PCDHGA2: variants seen among roughly 807,000 people sequenced by gnomAD.
The protein encoded by PCDHGA2 is protocadherin gamma subfamily A, 2, also known as protocadherin gamma-A2.
In PCDHGA2, 40 loss-of-function variants were observed where a neutral mutation model predicts 59.2. That is an observed-to-expected ratio of 0.68 (90% confidence interval 0.52 to 0.88). The LOEUF is 0.88. Among genes scored for constraint, PCDHGA2 ranks in the 40% least tolerant of loss-of-function variants. The pLI is 0.00. For missense variants in PCDHGA2, 1,226 were observed against 1,204.0 expected (o/e 1.02, Z -0.27); for synonymous variants, 560 against 526.0 (o/e 1.06, Z -0.89).
intron 1 of PCDHGA2, chr5:141,343,304 C>A (rs1757276367): frequency 3.1e-6 from 3 of 972,130 alleles, no homozygotes; most frequent in Non-Finnish European, 3.7e-6. Flanking sequence ...ATAAATATGG[C>A]TGATTTCTGT....
At chr5:141,378,814 T>C (rs915920148) in intron 1 of PCDHGA2, 6 of 152,232 alleles carry the variant, frequency 3.9e-5, no homozygotes, top group Non-Finnish European at 8.8e-5. Flanking sequence ...AACAGAATCA[T>C]TGTTTCATGA....
chr5:141,372,977 T>C (rs1769216145), intron 1 of PCDHGA2: 2 of 661,598 alleles, frequency 3.0e-6, no homozygotes, highest in Admixed American at 3.3e-5. Context: ...CTGTAGAATA[T>C]CTGTGTTGCA....
At chr5:141,423,227 A>C (rs1305722929) in intron 1 of PCDHGA2, 5 of 1,613,634 alleles carry the variant, frequency 3.1e-6, no homozygotes, top group Non-Finnish European at 2.5e-6. Context: ...GCTGTGGCCG[A>C]CAGCATCCCC....
chr5:141,378,863 G>C (rs934816631), intron 1 of PCDHGA2: 1 of 152,136 alleles, frequency 6.6e-6, no homozygotes, highest in Non-Finnish European at 1.5e-5. Context: ...AATGATGTTC[G>C]AATAGAAAAT....
intron 1 of PCDHGA2, among the ~76,000 whole-genome samples, chr5:141,429,903 T>C (rs1276564046): frequency 2.0e-5 from 3 of 152,252 alleles, no homozygotes; most frequent in African/African-American, 7.2e-5. Flanking sequence ...TAAATATTTT[T>C]GAAATATAAT....
intron 1 of PCDHGA2, chr5:141,360,106 T>C: frequency 5.8e-6 from 9 of 1,552,260 alleles, no homozygotes; most frequent in Non-Finnish European, 7.8e-6. Flanking sequence ...TTATTCCTCC[T>C]ATGGGCAAAG....
rs1021061111 is a variant in PCDHGA2 at position 141,352,197 on chromosome 5, G to C, written c.2424+10802G>C. ...CTGCTGGTCGCTGTGCGTGATGGAG[G>C]ACAGCCGCCACTCTCCGCCACCGCC... On this transcript the variant is annotated intron_variant, in intron 1 of 3. Transcript: ENST00000394576. 1.9e-6 allele frequency: 3 copies of C among 1,613,922 alleles called. No individual in the cohort carries two copies. Among genetic ancestry groups the C allele is most frequent in the Non-Finnish European group, 2.5e-6 (3 of 1,179,892 alleles).
chr5:141,419,993 G>T (rs754254084), intron 1 of PCDHGA2: 5 of 1,614,056 alleles, frequency 3.1e-6, no homozygotes, highest in Middle Eastern at 1.6e-4. Context: ...TCTAGCTATT[G>T]CTCTACGCCT....
intron 1 of PCDHGA2, chr5:141,355,795 G>T (rs751391789): frequency 6.2e-6 from 10 of 1,613,288 alleles, no homozygotes; most frequent in Admixed American, 1.7e-5. Flanking sequence ...GCTGGAACGC[G>T]CTCTAGATCG....
At chr5:141,385,096 G>C (rs746092295) in intron 1 of PCDHGA2, 2 of 1,614,072 alleles carry the variant, frequency 1.2e-6, no homozygotes, top group South Asian at 2.2e-5. Context: ...AGGTGGCTTG[G>C]CGAACGTGCC....
chr5:141,428,320 T>C (rs2097132935), intron 1 of PCDHGA2: 2 of 650,176 alleles, frequency 3.1e-6, no homozygotes, highest in Admixed American at 2.2e-5. Context: ...GGCCTTGGCC[T>C]TGATTTCTAT....
intron 1 of PCDHGA2, chr5:141,404,997 C>A (rs2154535986): frequency 6.2e-7 from 1 of 1,614,034 alleles, no homozygotes; most frequent in East Asian, 2.2e-5. Context: ...CAGATCCCTG[C>A]AGACCTGGAG....
chr5:141,440,527 T>G (rs1282939317), intron 1 of PCDHGA2: 3 of 152,222 alleles, frequency 2.0e-5, no homozygotes, highest in African/African-American at 7.2e-5. Context: ...TGAAGAATCA[T>G]GCACCACGGT....
chr5:141,420,147 C>T lies in PCDHGA2; in HGVS notation c.2425-74660C>T, dbSNP rs1480828845. On this transcript the variant is annotated intron_variant, in intron 1 of 3. Transcript: ENST00000394576. Reference sequence around the variant, plus strand: ...TGTGTGCCTGGGGATCAAATGAATCCAGAATTTAATTTTTTCACATCTGTT... The same window carrying T: ...TGTGTGCCTGGGGATCAAATGAATCTAGAATTTAATTTTTTCACATCTGTT... The T allele has an allele frequency of 2.5e-6, 4 of 1,613,848 alleles. No individual in the cohort carries two copies. The East Asian group carries it at 8.9e-5, about 36-fold the overall frequency.
Position 141,432,928 on chromosome 5 carries a change from C to T in PCDHGA2, c.2425-61879C>T, listed in dbSNP as rs1443097611. ...GGCTGCGGCGCTGGCACAAGTCACG[C>T]CTGCTGCAGGCTTCAGGAGGCGGCT... On this transcript the variant is annotated intron_variant, in intron 1 of 3. Transcript: ENST00000394576. This position sits in a 1 kb window ranked among gnomAD's most constrained non-coding sequence, Gnocchi z 6.0. 1.2e-6 allele frequency: 2 copies of T among 1,614,066 alleles called. No homozygotes were observed. Among genetic ancestry groups the T allele is most frequent in the African/African-American group, 1.3e-5 (1 of 74,942 alleles).
rs780005090 is a variant in PCDHGA2, at chr5:141,339,669, T to C, written c.698T>C (p.Leu233Pro). The C allele has an allele frequency of 6.2e-6, 10 of 1,614,190 alleles. No homozygotes were observed. In the South Asian group the frequency reaches 1.1e-4, roughly 18 times the overall value. ...ACCTCCCGCATCTGCGTGAAGGTCC[T>C]GGATGCGAACGACAATGCGCCTGTT... ...SGTSRICVKV[L>P]DANDNAPVFT... The change falls in exon 1 of 4, where the codon CTG becomes CCG. Residue 233 changes from leucine to proline, a missense_variant. Physicochemically the swap from Leu to Pro is moderately conservative, Grantham distance 98. Coordinates refer to ENST00000394576, the MANE Select transcript of PCDHGA2 (RefSeq NM_018915.4).
At position 141,511,216 on chromosome 5, in the gene PCDHGA2, C is replaced by G. The variant is rs374915167; in HGVS notation, c.*43C>G. Reference sequence around the variant, plus strand: ...GAGCCACAGGGCGGCCTCTCCCCAACCAGCCCAGCTTCTCCTTACCTGCAC... The same window carrying G: ...GAGCCACAGGGCGGCCTCTCCCCAAGCAGCCCAGCTTCTCCTTACCTGCAC... On this transcript the variant is annotated 3_prime_UTR_variant, in exon 4 of 4. Coordinates refer to ENST00000394576, the MANE Select transcript of PCDHGA2 (RefSeq NM_018915.4). 4.2e-5 allele frequency: 68 copies of G among 1,608,004 alleles called. No individual in the cohort carries two copies. The highest frequency in any genetic ancestry group is 6.7e-5 in the East Asian group (3 of 44,538).
intron 1 of PCDHGA2, chr5:141,385,603 T>C: frequency 1.7e-6 from 2 of 1,190,158 alleles, no homozygotes; most frequent in South Asian, 5.3e-5. Flanking sequence ...CTTTCTTAAC[T>C]CATATATTTT....
At chr5:141,391,727 TTTGTAGTCATACTTA>T (rs1212107227) in intron 1 of PCDHGA2, 1 of 152,206 alleles carries the variant, frequency 6.6e-6, no homozygotes. Context: ...AACAGACTTT[TTTGTAGTCATACTTA>T]TCCTTTGGCT....
Sources: allele counts gnomAD v4.1 joint callset (sites outside exome capture counted in the v4.1 genomes callset), GRCh38; gene constraint gnomAD v4.1.1; non-coding constraint Gnocchi (gnomAD v3.1); transcripts MANE v1.5; gene names NCBI Gene and HGNC (gene_info 2026-07-23, HGNC 2026-07-21).